The following TMPO variants were observed in gnomAD, a reference collection of about 807,000 sequenced individuals.
The protein encoded by TMPO is LEM domain containing 4.
Under a neutral mutation model 45.4 loss-of-function variants are expected in TMPO, and 22 were observed. The ratio of observed to expected loss-of-function variants is 0.48; its 90% CI spans 0.35 to 0.69. The LOEUF is 0.69. Among genes scored for constraint, TMPO ranks in the 30% least tolerant of loss-of-function variants. The probability of loss-of-function intolerance (pLI) is 0.01; values close to 1 mark genes in which losing one functional copy is unlikely to be tolerated. For synonymous variants in TMPO, 241 were observed against 204.1 expected (o/e 1.18, Z -1.54); for missense variants, 512 against 548.8 (o/e 0.93, Z 0.67).
Position 98,531,277 on chromosome 12 carries a change from C to G in TMPO, c.407-403C>G, listed in dbSNP as rs564358976. On this transcript the variant is annotated intron_variant, in intron 2 of 8. Coordinates refer to ENST00000556029, the MANE Select transcript of TMPO (RefSeq NM_001032283.3). ...TTTTTTTAAGACAGCATCTTACTTCCTCTCCCAGCTGGACAGTGGTGCGAT... is the reference window on the plus strand; with the variant it reads ...TTTTTTTAAGACAGCATCTTACTTCGTCTCCCAGCTGGACAGTGGTGCGAT... 5.7e-5 allele frequency among the ~76,000 whole-genome samples: 8 copies of G among 140,236 alleles called. No individual in the cohort carries two copies. The South Asian group carries it at 1.4e-3, about 24-fold the overall frequency. The allele number at this position is 140,236 out of a possible 152,430, so 92.0% of individuals were successfully genotyped here. A position where few individuals can be genotyped will look rare whatever the true frequency, so the allele number is the denominator to read the frequency against.
At chr12:98,544,150 C>CTGAGA in intron 4 of TMPO, 80 bp from the exon 5 acceptor site, 2 of 1,510,536 alleles carry the variant, frequency 1.3e-6, no homozygotes, top group Non-Finnish European at 1.8e-6. Context: ...TATTTCATGG[C>CTGAGA]TTCTCAGTGT....
At chr12:98,525,934 TTTAA>T (rs1182211706) in intron 1 of TMPO, among the ~76,000 whole-genome samples, 5 of 152,300 alleles carry the variant, frequency 3.3e-5, no homozygotes, top group Non-Finnish European at 7.4e-5. Context: ...GTTGCCATTG[TTTAA>T]TTAGCCATTT....
intron 1 of TMPO, among the ~76,000 whole-genome samples, chr12:98,519,876 G>A (rs1443158283): frequency 6.6e-6 from 1 of 151,930 alleles, no homozygotes; most frequent in Non-Finnish European, 1.5e-5. Flanking sequence ...CCTCTTATAT[G>A]TACTATATTT....
chr12:98,532,034 A>G, intron 3 of TMPO, 196 bp downstream of exon 3: 1 of 525,404 alleles, frequency 1.9e-6, no homozygotes, highest in South Asian at 2.5e-5. Context: ...CAAATTCATA[A>G]TTTTCCATCA....
chr12:98,533,460 C>A lies in TMPO; in HGVS notation c.565+1622C>A, dbSNP rs1395240731. 3 of 1,613,980 alleles carry A rather than the reference C, an allele frequency of 1.9e-6. No individual in the cohort carries two copies. In the South Asian group the frequency reaches 3.3e-5, roughly 18 times the overall value. On this transcript the variant is annotated intron_variant, in intron 3 of 8. Transcript: ENST00000556029. ...TGCCTGGAACTTCTAACTCTATGCC[C>A]CCACTGGATGTAGAAAACATACAGA...
At chr12:98,537,798 G>C (rs915338298) in intron 4 of TMPO, 3 of 606,312 alleles carry the variant, frequency 4.9e-6, no homozygotes, top group Non-Finnish European at 8.8e-6. Context: ...GTTTGAGTCT[G>C]TGCTAGATGT....
intron 4 of TMPO, among the ~76,000 whole-genome samples, chr12:98,540,927 C>A (rs1877879182): frequency 6.6e-6 from 1 of 152,102 alleles, no homozygotes; most frequent in South Asian, 2.1e-4. Flanking sequence ...TATAAAGATC[C>A]ACATTGTCCT....
At chr12:98,523,923 C>T (rs971207848) in intron 1 of TMPO, among the ~76,000 whole-genome samples, 4 of 152,178 alleles carry the variant, frequency 2.6e-5, no homozygotes, top group Non-Finnish European at 5.9e-5. Flanking sequence ...GGGAGATCCT[C>T]CCTCCTCGGC....
At chr12:98,531,140 A>T (rs912551971) in intron 2 of TMPO, among the ~76,000 whole-genome samples, 3 of 150,280 alleles carry the variant, frequency 2.0e-5, no homozygotes, top group Admixed American at 2.0e-4. Context: ...GGGTTTCACC[A>T]TGTTGGTCAG....
At chr12:98,521,884 C>G (rs1483964880) in intron 1 of TMPO, among the ~76,000 whole-genome samples, 1 of 152,174 alleles carries the variant, frequency 6.6e-6, no homozygotes, top group Non-Finnish European at 1.5e-5. Flanking sequence ...CGTGCACCAC[C>G]ATGCCCAGCT....
intron 1 of TMPO, chr12:98,516,560 C>G (rs1379777724): frequency 9.9e-7 from 1 of 1,009,934 alleles, no homozygotes; most frequent in Non-Finnish European, 1.2e-6. Context: ...TGAAATGACT[C>G]GCAGCAGAGT....
intron 1 of TMPO, chr12:98,527,426 G>A (rs1471336149): frequency 6.4e-6 from 1 of 156,702 alleles, no homozygotes; most frequent in Non-Finnish European, 1.4e-5. Context: ...GGGAGACTGA[G>A]GTGGGAGGAT....
Position 98,548,071 on chromosome 12 carries a change from A to G in TMPO, c.*213A>G, listed in dbSNP as rs532253363. ...CTAGTAGGAGATCACTTTGTGCCAT[A>G]TGAATAATCTTTTTTAGCTCTGGAA... is the stretch of plus-strand genomic sequence containing the variant. On this transcript the variant is annotated 3_prime_UTR_variant, in exon 9 of 9. Transcript: ENST00000556029. 3.0e-5 allele frequency: 15 copies of G among 502,508 alleles called. No homozygotes were observed. The highest frequency in any genetic ancestry group is 1.1e-3 in the Middle Eastern group (2 of 1,854). 31.1% of individuals were successfully genotyped at this position (502,508 alleles called of 1,614,324 possible). A position where few individuals can be genotyped will look rare whatever the true frequency, so the allele number is the denominator to read the frequency against.
At chr12:98,517,681 CATAGTAGTGCCAA>C (rs1875969386) in intron 1 of TMPO, among the ~76,000 whole-genome samples, 1 of 152,230 alleles carries the variant, frequency 6.6e-6, no homozygotes, top group Non-Finnish European at 1.5e-5. Context: ...GTGTCTGGCA[CATAGTAGTGCCAA>C]ATATTTGTAC....
At chr12:98,528,478 C>T (rs1055979057) in intron 2 of TMPO, among the ~76,000 whole-genome samples, 5 of 151,858 alleles carry the variant, frequency 3.3e-5, no homozygotes, top group African/African-American at 4.8e-5. Flanking sequence ...GGGATTTCAC[C>T]GTGTTAGCAA....
chr12:98,542,399 C>T (rs1381586641), intron 4 of TMPO, among the ~76,000 whole-genome samples: 1 of 150,944 alleles, frequency 6.6e-6, no homozygotes, highest in Non-Finnish European at 1.5e-5. Context: ...TTATCTATTC[C>T]CAGACCTGGA....
rs1325153805 is a variant in TMPO at position 98,549,591 on chromosome 12, G to GTAAA, written c.*1733_*1734insTAAA. 7.8e-6 allele frequency: 1 copy of GTAAA among 128,608 alleles called. No individual in the cohort carries two copies. Among genetic ancestry groups the GTAAA allele is most frequent in the South Asian group, 2.5e-4 (1 of 3,960 alleles). 8.0% of individuals were successfully genotyped at this position (128,608 alleles called of 1,614,324 possible). A position where few individuals can be genotyped will look rare whatever the true frequency, so the allele number is the denominator to read the frequency against. On this transcript the variant is annotated 3_prime_UTR_variant, in exon 9 of 9. Coordinates refer to ENST00000556029, the MANE Select transcript of TMPO (RefSeq NM_001032283.3). ...TTAAAATTTCAATAGAATCAAATGA[G>GTAAA]ACAAAAATTTTAAACTGACTCATTT...
chr12:98,534,103 G>T (rs1371958325), intron 3 of TMPO: 1 of 1,612,996 alleles, frequency 6.2e-7, no homozygotes, highest in East Asian at 2.2e-5. Flanking sequence ...CCAAGCGCTT[G>T]GGATTCTGAG....
intron 1 of TMPO, among the ~76,000 whole-genome samples, chr12:98,516,812 A>T (rs906056545): frequency 1.3e-5 from 2 of 151,906 alleles, no homozygotes; most frequent in Non-Finnish European, 2.9e-5. Flanking sequence ...TTTAGTTTTT[A>T]TTTATTTATT....
Sources: allele counts gnomAD v4.1 joint callset (sites outside exome capture counted in the v4.1 genomes callset), GRCh38; gene constraint gnomAD v4.1.1; transcripts MANE v1.5; gene names NCBI Gene and HGNC (gene_info 2026-07-23, HGNC 2026-07-21).